Variants in NRG3 observed in about 807,000 individuals in gnomAD.
NRG3 encodes neuregulin 3, also known as pro-neuregulin-3, membrane-bound isoform.
NRG3 carries 31 observed loss-of-function variants against 66.9 expected under a neutral mutation model. The observed-to-expected ratio is 0.46, with a 90% confidence interval of 0.35 to 0.63. The LOEUF (loss-of-function observed/expected upper bound fraction) is 0.63. Ranked by LOEUF, NRG3 falls within the 20% of genes least tolerant of loss-of-function variation. The probability of loss-of-function intolerance (pLI) is 0.00; values close to 1 mark genes in which losing one functional copy is unlikely to be tolerated. For synonymous variants in NRG3, 393 were observed against 359.4 expected (o/e 1.09, Z -1.06); for missense variants, 910 against 878.9 (o/e 1.04, Z -0.45).
chr10:82,144,219 C>T (rs1334884033), intron 1 of NRG3, among the ~76,000 whole-genome samples: 1 of 152,104 alleles, frequency 6.6e-6, no homozygotes, highest in Non-Finnish European at 1.5e-5. Flanking sequence ...ATTATCTTGT[C>T]AACTACTATG....
intron 1 of NRG3, among the ~76,000 whole-genome samples, chr10:82,062,220 T>A (rs2064194576): frequency 6.6e-6 from 1 of 152,162 alleles, no homozygotes; most frequent in African/African-American, 2.4e-5. Context: ...GCATAGCTCA[T>A]TTCTTTATTA....
At position 82,071,754 on chromosome 10, in the gene NRG3, T is replaced by C. The variant is rs1564789914; in HGVS notation, c.823+195591T>C. Among the ~76,000 whole-genome samples, 3 of 152,106 alleles carry C rather than the reference T, an allele frequency of 2.0e-5. No individual in the cohort carries two copies. The South Asian group carries it at 6.2e-4, about 32-fold the overall frequency. On this transcript the variant is annotated intron_variant, in intron 1 of 8. Transcript: ENST00000372141. Reference sequence around the variant, plus strand: ...TCTGGACACTGTGTCAAGAATTGGCTGAAGGGACGCTGTGGAGCCAAGGAG... The same window carrying C: ...TCTGGACACTGTGTCAAGAATTGGCCGAAGGGACGCTGTGGAGCCAAGGAG...
rs867536539 is a variant in NRG3, at chr10:82,149,080, T to G, written c.824-209659T>G. 4.6e-5 allele frequency among the ~76,000 whole-genome samples: 7 copies of G among 151,434 alleles called. No homozygotes were observed. The East Asian group carries it at 7.7e-4, about 17-fold the overall frequency. Reference sequence around the variant, plus strand: ...TGTTTTTGTTTTTGTTTTTGTTTTTTTTTTAAGCATCAAGCCTACCTAATA... The same window carrying G: ...TGTTTTTGTTTTTGTTTTTGTTTTTGTTTTAAGCATCAAGCCTACCTAATA... On this transcript the variant is annotated intron_variant, in intron 1 of 8. Transcript: ENST00000372141.
At chr10:82,310,506 G>T (rs2080965580) in intron 1 of NRG3, among the ~76,000 whole-genome samples, 1 of 152,044 alleles carries the variant, frequency 6.6e-6, no homozygotes, top group Non-Finnish European at 1.5e-5. Context: ...AAACAAAATT[G>T]AAAGAAAATG....
chr10:82,207,010 G>A (rs2075152474), intron 1 of NRG3, among the ~76,000 whole-genome samples: 1 of 152,146 alleles, frequency 6.6e-6, no homozygotes, highest in Admixed American at 6.6e-5. Flanking sequence ...GTTCTTGGCT[G>A]CTGAGTCCCT....
chr10:82,755,674 T>C (rs1348622354), intron 3 of NRG3, among the ~76,000 whole-genome samples: 1 of 152,120 alleles, frequency 6.6e-6, no homozygotes, highest in Non-Finnish European at 1.5e-5. Flanking sequence ...CAGGATTATC[T>C]GCTGAGAAGG....
At chr10:82,768,968 A>G (rs559812047) in intron 3 of NRG3, among the ~76,000 whole-genome samples, 28 of 152,284 alleles carry the variant, frequency 1.8e-4, no homozygotes, top group East Asian at 9.7e-4. Flanking sequence ...TTAAGATTCT[A>G]TACGCTTTAA....
At chr10:82,223,642 A>AACACACCCAC in intron 1 of NRG3, among the ~76,000 whole-genome samples, 1 of 137,926 alleles carries the variant, frequency 7.3e-6, no homozygotes, top group Non-Finnish European at 1.6e-5. Context: ...AACCACCCCA[A>AACACACCCAC]ACACACACAC....
At chr10:82,164,418 T>C (rs1455262382) in intron 1 of NRG3, among the ~76,000 whole-genome samples, 2 of 152,190 alleles carry the variant, frequency 1.3e-5, no homozygotes, top group African/African-American at 4.8e-5. Context: ...TTGCTAACTC[T>C]AGTCACCTTA....
chr10:81,894,334 GGAAA>G (rs1249577175), intron 1 of NRG3, among the ~76,000 whole-genome samples: 3 of 151,748 alleles, frequency 2.0e-5, no homozygotes, highest in South Asian at 2.1e-4. Flanking sequence ...TCTCAAAAAA[GGAAA>G]GAAAGAAAGA....
intron 2 of NRG3, among the ~76,000 whole-genome samples, chr10:82,644,368 C>G (rs543912909): frequency 6.6e-6 from 1 of 152,214 alleles, no homozygotes; most frequent in East Asian, 1.9e-4. Flanking sequence ...AACTTTCTAG[C>G]TTCCAAACCA....
At chr10:82,410,629 T>G (rs1378499960) in intron 2 of NRG3, among the ~76,000 whole-genome samples, 1 of 151,844 alleles carries the variant, frequency 6.6e-6, no homozygotes, top group African/African-American at 2.4e-5. Context: ...TTGTACAACC[T>G]TCTGAATATT....
intron 1 of NRG3, among the ~76,000 whole-genome samples, chr10:82,185,095 G>T (rs2073714903): frequency 1.3e-5 from 2 of 152,236 alleles, no homozygotes; most frequent in South Asian, 4.1e-4. Context: ...GAGTTTGCAA[G>T]AAGAGAAAAC....
rs372331424 is a variant in NRG3, at chr10:82,768,513, GA to G, written c.1027+29865del. ...TGGTTAATCCCTCATCCTTAGGCTA[GA>G]AGTTACCCCAAGAAATTTTAATTTC... On this transcript the variant is annotated intron_variant, in intron 3 of 8. Transcript: ENST00000372141. 3.7e-4 allele frequency among the ~76,000 whole-genome samples: 56 copies of G among 152,154 alleles called. 1 individual carries two copies. The highest frequency in any genetic ancestry group is 1.2e-3 in the African/African-American group (51 of 41,534).
At chr10:81,902,560 G>T (rs956059029) in intron 1 of NRG3, among the ~76,000 whole-genome samples, 1 of 152,072 alleles carries the variant, frequency 6.6e-6, no homozygotes, top group African/African-American at 2.4e-5. Flanking sequence ...CAGGAAGGTG[G>T]CCCTCATGAA....
At chr10:82,526,759 T>G (rs1846745611) in intron 2 of NRG3, among the ~76,000 whole-genome samples, 1 of 151,944 alleles carries the variant, frequency 6.6e-6, no homozygotes, top group Non-Finnish European at 1.5e-5. Flanking sequence ...AAACAAATAT[T>G]GACCAAAATT....
chr10:82,075,487 T>A (rs1275301966), intron 1 of NRG3, among the ~76,000 whole-genome samples: 1 of 152,184 alleles, frequency 6.6e-6, no homozygotes, highest in Non-Finnish European at 1.5e-5. Flanking sequence ...AAACAAGTTC[T>A]GTGAATCTCA....
In NRG3 at chr10:82,279,304, A is replaced by G. The variant is rs76709367; in HGVS notation, c.824-79435A>G. On this transcript the variant is annotated intron_variant, in intron 1 of 8. Coordinates refer to ENST00000372141, the MANE Select transcript of NRG3 (RefSeq NM_001010848.4). ...TTCCAGCTCTCCAGGTTTTTCATCA[A>G]TGTCAGCACCTGCTGAAAAGAACCA... Among the ~76,000 whole-genome samples, 113 of 152,228 alleles carry G rather than the reference A, an allele frequency of 7.4e-4. No homozygotes were observed. The East Asian group carries it at 0.021, about 28-fold the overall frequency.
In NRG3 at chr10:82,704,451, A is replaced by G. The variant is rs1402342436; in HGVS notation, c.954-34126A>G. Among the ~76,000 whole-genome samples, 3 of 152,186 alleles carry G rather than the reference A, an allele frequency of 2.0e-5. No homozygotes were observed. In the East Asian group the frequency reaches 5.8e-4, roughly 29 times the overall value. The stretch of plus-strand genomic sequence containing the variant: ...ATACTCCTTCATCTTGCCCACAAGG[A>G]TATCATATGCTCTGCTAAAAATCAA... On this transcript the variant is annotated intron_variant, in intron 2 of 8. Transcript: ENST00000372141.
Sources: allele counts gnomAD v4.1 joint callset (sites outside exome capture counted in the v4.1 genomes callset), GRCh38; gene constraint gnomAD v4.1.1; transcripts MANE v1.5; gene names NCBI Gene and HGNC (gene_info 2026-07-23, HGNC 2026-07-21).